PCBP3: variants seen among roughly 807,000 people sequenced by gnomAD.
PCBP3 encodes the protein poly(rC)-binding protein 3.
In PCBP3, 25 loss-of-function variants were observed where a neutral mutation model predicts 52.7. That is an observed-to-expected ratio of 0.47 (90% CI 0.35 to 0.66). The LOEUF (loss-of-function observed/expected upper bound fraction) is 0.66, where lower values mean the gene tolerates loss of function less well. Among genes scored for constraint, PCBP3 ranks in the 30% least tolerant of loss-of-function variants. The probability of loss-of-function intolerance (pLI) is 0.01; values close to 1 mark genes in which losing one functional copy is unlikely to be tolerated. For missense variants in PCBP3, 391 were observed against 490.3 expected (o/e 0.80, Z 1.91); for synonymous variants, 162 against 183.0 (o/e 0.89, Z 0.93).
chr21:45,667,885 C>G (rs1461117562), intron 1 of PCBP3, among the ~76,000 whole-genome samples: 1 of 152,092 alleles, frequency 6.6e-6, no homozygotes, highest in East Asian at 1.9e-4. Flanking sequence ...TAGTGACTTT[C>G]CTGAACTAAC....
At chr21:45,865,392 G>A (rs964171147) in intron 5 of PCBP3, among the ~76,000 whole-genome samples, 7 of 152,208 alleles carry the variant, frequency 4.6e-5, no homozygotes, top group Non-Finnish European at 7.3e-5. Flanking sequence ...TGCCCTGCGC[G>A]GCCGGTGCTA....
At chr21:45,786,945 T>G (rs1470358880) in intron 4 of PCBP3, among the ~76,000 whole-genome samples, 1 of 152,230 alleles carries the variant, frequency 6.6e-6, no homozygotes, top group African/African-American at 2.4e-5. Flanking sequence ...CCTAGCGGCG[T>G]GCAGCCTGCT....
chr21:45,911,610 G>A (rs377506313), intron 11 of PCBP3, among the ~76,000 whole-genome samples: 1 of 152,148 alleles, frequency 6.6e-6, no homozygotes, highest in Non-Finnish European at 1.5e-5. Context: ...GTTTCGGGGG[G>A]AGGAAAAAAC....
At chr21:45,811,732 A>G (rs573327239) in intron 4 of PCBP3, among the ~76,000 whole-genome samples, 28 of 152,268 alleles carry the variant, frequency 1.8e-4, no homozygotes, top group African/African-American at 6.7e-4. Flanking sequence ...TTTTACTTTT[A>G]ACTGTCTGTG....
At chr21:45,825,401 T>C (rs1308648319) in intron 4 of PCBP3, among the ~76,000 whole-genome samples, 1 of 152,080 alleles carries the variant, frequency 6.6e-6, no homozygotes, top group Non-Finnish European at 1.5e-5. Flanking sequence ...CCCGCCGCCG[T>C]GGAGAGCCCA....
chr21:45,941,940 TC>T lies in PCBP3; in HGVS notation c.*237del, dbSNP rs1311203710. Reference sequence around the variant, plus strand: ...GTGTTATTTTATTTATGACTTACGCTCCCGTCTGCCCATGCACCGGCATGCA... The same window carrying T: ...GTGTTATTTTATTTATGACTTACGCTCCGTCTGCCCATGCACCGGCATGCA... On this transcript the variant is annotated 3_prime_UTR_variant, in exon 18 of 18. Coordinates refer to ENST00000681687, the MANE Select transcript of PCBP3 (RefSeq NM_001384156.1). The T allele has an allele frequency of 4.7e-6, 2 of 426,018 alleles. No homozygotes were observed. The highest frequency in any genetic ancestry group is 8.2e-6 in the Non-Finnish European group (2 of 242,590). The allele number at this position is 426,018 out of a possible 1,614,324, so 26.4% of individuals were successfully genotyped here.
At chr21:45,740,401 A>G (rs970114975) in intron 3 of PCBP3, among the ~76,000 whole-genome samples, 1 of 152,256 alleles carries the variant, frequency 6.6e-6, no homozygotes, top group Non-Finnish European at 1.5e-5. Context: ...CTTGATTTTC[A>G]GCCAGATTGG....
chr21:45,854,508 G>A lies in PCBP3; in HGVS notation c.10+4413G>A, dbSNP rs374306299. ...GGACCGCTACACGTGGAATTATATG[G>A]CATTTGTCTGTTTGTATCTGGCTTC... On this transcript the variant is annotated intron_variant, in intron 5 of 17. Coordinates refer to ENST00000681687, the MANE Select transcript of PCBP3 (RefSeq NM_001384156.1). 4.6e-5 allele frequency among the ~76,000 whole-genome samples: 7 copies of A among 152,254 alleles called. No homozygotes were observed. The East Asian group carries it at 1.4e-3, about 29-fold the overall frequency.
intron 2 of PCBP3, among the ~76,000 whole-genome samples, chr21:45,673,203 A>AT (rs1260811052): frequency 1.3e-5 from 2 of 152,286 alleles, no homozygotes; most frequent in African/African-American, 2.4e-5. Flanking sequence ...AAAATTTCTG[A>AT]TTAGACTCTT....
chr21:45,760,028 G>T (rs1002841083), intron 4 of PCBP3: 9 of 151,962 alleles, frequency 5.9e-5, no homozygotes, highest in Non-Finnish European at 1.2e-4. Context: ...AAAAGTAATT[G>T]CAGTTTTTGC....
chr21:45,892,336 G>T (rs1004561578), intron 5 of PCBP3, among the ~76,000 whole-genome samples: 4 of 152,224 alleles, frequency 2.6e-5, no homozygotes, highest in African/African-American at 9.7e-5. Flanking sequence ...AAGGCAGGAG[G>T]TTTCTGCCCC....
At chr21:45,692,689 T>G (rs1267103192) in intron 2 of PCBP3, among the ~76,000 whole-genome samples, 1 of 152,198 alleles carries the variant, frequency 6.6e-6, no homozygotes, top group East Asian at 1.9e-4. Flanking sequence ...CACTGGTTCA[T>G]TCTACCAGAT....
intron 8 of PCBP3, 59 bp from the exon 9 acceptor site, chr21:45,900,938 C>T (rs1202868318): frequency 1.1e-5 from 14 of 1,251,626 alleles, no homozygotes; most frequent in South Asian, 9.6e-5. Flanking sequence ...TTGCGGCCCC[C>T]GACCCACTGG....
intron 16 of PCBP3, among the ~76,000 whole-genome samples, chr21:45,938,237 G>A (rs996158320): frequency 6.6e-5 from 10 of 151,772 alleles, no homozygotes; most frequent in East Asian, 3.8e-4. Flanking sequence ...CGTGCTGTGC[G>A]CTTCAGCAGA....
At chr21:45,859,989 C>T (rs1208616613) in intron 5 of PCBP3, among the ~76,000 whole-genome samples, 1 of 152,238 alleles carries the variant, frequency 6.6e-6, no homozygotes, top group Non-Finnish European at 1.5e-5. Context: ...CCAGGGATGG[C>T]CGGTGCCCCC....
chr21:45,734,939 C>A (rs2085750016), intron 2 of PCBP3, among the ~76,000 whole-genome samples: 1 of 152,228 alleles, frequency 6.6e-6, no homozygotes, highest in Non-Finnish European at 1.5e-5. Context: ...CTAATTCAGT[C>A]TGCACAGGGA....
chr21:45,838,398 C>T (rs1362152027), intron 4 of PCBP3, among the ~76,000 whole-genome samples: 2 of 151,472 alleles, frequency 1.3e-5, no homozygotes, highest in Non-Finnish European at 2.9e-5. Flanking sequence ...TGTTTTTGTT[C>T]TAATAATAAT....
In PCBP3 at chr21:45,904,087, G is replaced by A. The variant is rs1453187531; in HGVS notation, c.339+2974G>A. On this transcript the variant is annotated intron_variant, in intron 9 of 17. Transcript: ENST00000681687. The surrounding 1 kb of genome is among the most constrained non-coding windows in gnomAD (Gnocchi z 4.8). The stretch of plus-strand genomic sequence containing the variant: ...CCTGGTTGAAGGTCCTAAGGAGGAT[G>A]TTTGGGAAGATGTCATGGGAAGCAG... 5.3e-5 allele frequency among the ~76,000 whole-genome samples: 8 copies of A among 152,190 alleles called. No homozygotes were observed. Among genetic ancestry groups the A allele is most frequent in the Admixed American group, 5.2e-4 (8 of 15,282 alleles).
chr21:45,764,341 C>T (rs1166391280), intron 4 of PCBP3, among the ~76,000 whole-genome samples: 2 of 152,060 alleles, frequency 1.3e-5, no homozygotes, highest in Admixed American at 1.3e-4. Context: ...AGGCTGGTCT[C>T]GAACTCCCGA....
Sources: allele counts gnomAD v4.1 joint callset (sites outside exome capture counted in the v4.1 genomes callset), GRCh38; gene constraint gnomAD v4.1.1; non-coding constraint Gnocchi (gnomAD v3.1); transcripts MANE v1.5; gene names NCBI Gene and HGNC (gene_info 2026-07-23, HGNC 2026-07-21).